The following TM6SF1 variants were observed in gnomAD, a reference collection of about 807,000 sequenced individuals.
TM6SF1 encodes transmembrane 6 superfamily member 1.
TM6SF1 carries 43 observed loss-of-function variants against 47.1 expected under a neutral mutation model. The ratio of observed to expected loss-of-function variants is 0.91; its 90% CI spans 0.72 to 1.18. The LOEUF (loss-of-function observed/expected upper bound fraction) is 1.18. Ranked by LOEUF, TM6SF1 falls within the 50% of genes most tolerant of loss-of-function variation. The pLI is 0.00. For missense variants in TM6SF1, 390 were observed against 449.0 expected (o/e 0.87, Z 1.19); for synonymous variants, 177 against 166.3 (o/e 1.06, Z -0.49).
chr15:83,121,994 A>C lies in TM6SF1; in HGVS notation c.472A>C (p.Asn158His). ...IMSVVVFVPG[N>H]IVGKYGTRIC... ...GAGTGTTGTTGTTTTTGTGCCAGGA[A>C]ACATTGTAGGTAAGAAACTTTATCT... is the stretch of plus-strand genomic sequence containing the variant. Residue 158 changes from asparagine to histidine, a missense_variant, in exon 5 of 10, where the codon AAC becomes CAC. Coordinates refer to ENST00000322019, the MANE Select transcript of TM6SF1 (RefSeq NM_023003.5). The C allele has an allele frequency of 6.2e-7, 1 of 1,610,714 alleles. No homozygotes were observed. The highest frequency in any genetic ancestry group is 1.1e-5 in the South Asian group (1 of 89,854).
intron 9 of TM6SF1, chr15:83,133,356 G>A (rs2036386860): frequency 1.3e-5 from 2 of 152,144 alleles, no homozygotes; most frequent in South Asian, 4.1e-4. Flanking sequence ...CCTCCTTGTG[G>A]AACCACGATT....
chr15:83,136,200 T>C (rs903999148), intron 9 of TM6SF1: 2 of 272,920 alleles, frequency 7.3e-6, no homozygotes, highest in Admixed American at 5.1e-5. Flanking sequence ...TAAGGGGCAC[T>C]TGATGGTTAA....
intron 1 of TM6SF1, 122 bp from the exon 2 acceptor site, chr15:83,112,675 C>A (rs938041239): frequency 2.7e-6 from 2 of 744,358 alleles, no homozygotes; most frequent in Non-Finnish European, 4.8e-6. Flanking sequence ...GAGCTGCAGG[C>A]AGAGGCAGAA....
At chr15:83,127,586 A>T in intron 9 of TM6SF1, 109 bp downstream of exon 9, 1 of 1,217,140 alleles carries the variant, frequency 8.2e-7, no homozygotes, top group Admixed American at 2.3e-5. Flanking sequence ...TAGCTATTAG[A>T]CATGTCACCT....
At position 83,122,902 on chromosome 15, in the gene TM6SF1, A is replaced by T. The variant is rs1357546281; in HGVS notation, c.603+24A>T. On this transcript the variant is annotated intron_variant, in intron 6 of 9. Transcript: ENST00000322019. ...AGGTGATTTTATTAAGCTTTGATGT[A>T]CCCTGTTCTCAAACTCATAGGGTTC... The T allele has an allele frequency of 3.7e-6, 6 of 1,612,512 alleles. No individual in the cohort carries two copies. In the South Asian group the frequency reaches 6.6e-5, roughly 18 times the overall value.
rs1046654997 is a variant in TM6SF1, at chr15:83,112,623, C to A, written c.93-174C>A. 1.1e-5 allele frequency: 7 copies of A among 619,054 alleles called. No individual in the cohort carries two copies. The African/African-American group carries it at 1.3e-4, about 11-fold the overall frequency. The allele number at this position is 619,054 out of a possible 1,614,324, so 38.3% of individuals were successfully genotyped here. On this transcript the variant is annotated intron_variant, in intron 1 of 9. Transcript: ENST00000322019. ...AGTCATGGGCTGCAGCCCAGATGGG[C>A]CAAAGAGCTGCAGATAAACTTCACT... is the stretch of plus-strand genomic sequence containing the variant.
chr15:83,136,148 T>G (rs1281890016), intron 9 of TM6SF1: 1 of 192,184 alleles, frequency 5.2e-6, no homozygotes, highest in Non-Finnish European at 1.0e-5. Context: ...AATTTGAGAT[T>G]TTATTCAGAT....
chr15:83,119,805 T>C, intron 4 of TM6SF1, 124 bp downstream of exon 4: 1 of 1,473,842 alleles, frequency 6.8e-7, no homozygotes, highest in Non-Finnish European at 9.2e-7. Flanking sequence ...ATAAGTTCCA[T>C]GGGTGCACGT....
At position 83,127,350 on chromosome 15, in the gene TM6SF1, C is replaced by G. The variant is rs750599062; in HGVS notation, c.802-8C>G. The G allele has an allele frequency of 6.2e-7, 1 of 1,607,492 alleles. No individual in the cohort carries two copies. The highest frequency in any genetic ancestry group is 8.5e-7 in the Non-Finnish European group (1 of 1,177,552). ...TTGCTGATGATGTTATTTCTCTGTT[C>G]AATACAGATGCTGGCATATATGTTC... On this transcript the variant is annotated splice_polypyrimidine_tract_variant and splice_region_variant and intron_variant, in intron 8 of 9. Coordinates refer to ENST00000322019, the MANE Select transcript of TM6SF1 (RefSeq NM_023003.5).
At chr15:83,127,152 CCA>C (rs2035838253) in intron 8 of TM6SF1, among the ~76,000 whole-genome samples, 1 of 151,300 alleles carries the variant, frequency 6.6e-6, no homozygotes, top group Non-Finnish European at 1.5e-5. Context: ...CGAGATTGCG[CCA>C]CTGCACTCCA....
chr15:83,118,679 T>C (rs2034926650), intron 3 of TM6SF1, among the ~76,000 whole-genome samples: 2 of 152,174 alleles, frequency 1.3e-5, no homozygotes, highest in African/African-American at 2.4e-5. Flanking sequence ...TGATCTGCAC[T>C]CTTCCTTGTT....
At chr15:83,113,179 C>G (rs2034352154) in intron 2 of TM6SF1, 1 of 500,428 alleles carries the variant, frequency 2.0e-6, no homozygotes, top group African/African-American at 1.9e-5. Flanking sequence ...TGACCTCTGA[C>G]CTCGACTCTC....
chr15:83,137,126 T>G lies in TM6SF1; in HGVS notation c.*454T>G, dbSNP rs1343762728. 2 of 152,308 alleles carry G rather than the reference T, an allele frequency of 1.3e-5. No homozygotes were observed. The highest frequency in any genetic ancestry group is 1.3e-4 in the Admixed American group (2 of 15,296). 9.4% of individuals were successfully genotyped at this position (152,308 alleles called of 1,614,324 possible). A position where few individuals can be genotyped will look rare whatever the true frequency, so the allele number is the denominator to read the frequency against. ...TATTAAACTCAATATAAAAGGCAAA[T>G]CATCAGAATATTTTTAAATGTTGTT... On this transcript the variant is annotated 3_prime_UTR_variant, in exon 10 of 10. Coordinates refer to ENST00000322019, the MANE Select transcript of TM6SF1 (RefSeq NM_023003.5).
chr15:83,124,200 C>G (rs1471661415), intron 6 of TM6SF1, among the ~76,000 whole-genome samples: 1 of 151,990 alleles, frequency 6.6e-6, no homozygotes, highest in Non-Finnish European at 1.5e-5. Context: ...GCAAAAAGAA[C>G]AAATACAGAA....
At chr15:83,126,725 T>C (rs1288118605) in intron 7 of TM6SF1, 30 bp from the exon 8 acceptor site, 1 of 1,569,474 alleles carries the variant, frequency 6.4e-7, no homozygotes. Context: ...TGTGATTGTA[T>C]TTTTATAATG....
intron 5 of TM6SF1, among the ~76,000 whole-genome samples, chr15:83,122,221 C>CAA (rs1256126434): frequency 1.3e-5 from 2 of 152,086 alleles, no homozygotes; most frequent in Admixed American, 1.3e-4. Context: ...ATTTGGCAGT[C>CAA]AAGTTATCAG....
At position 83,136,587 on chromosome 15, in the gene TM6SF1, G is replaced by A. The variant is rs757268482; in HGVS notation, c.1028G>A (p.Gly343Glu). 1.2e-6 allele frequency: 2 copies of A among 1,613,766 alleles called. No homozygotes were observed. The highest frequency in any genetic ancestry group is 1.7e-6 in the Non-Finnish European group (2 of 1,179,858). ...TTTTTAGCATTAAACATAGCATATG[G>A]AGTTCTTCCTCAGCTCTTGGCCTAT... ...ILFLALNIAYGVLPQLLAYRC... is the reference protein window; with the variant it reads ...ILFLALNIAYEVLPQLLAYRC... The change falls in exon 10 of 10, where the codon GGA becomes GAA. Residue 343 changes from glycine to glutamate, a missense_variant. By Grantham distance (98) the Gly-to-Glu change is moderately conservative. Transcript: ENST00000322019.
In TM6SF1 at chr15:83,136,681, C is replaced by G. The variant is rs765355098; in HGVS notation, c.*9C>G. 1 of 1,584,178 alleles carries G rather than the reference C, an allele frequency of 6.3e-7. No individual in the cohort carries two copies. Among genetic ancestry groups the G allele is most frequent in the East Asian group, 2.2e-5 (1 of 44,726 alleles). The stretch of plus-strand genomic sequence containing the variant: ...AAGAAAAAGTGGAATAAAAATATTA[C>G]TTCATGTTCCTCCTTTCTAAATTAC... On this transcript the variant is annotated 3_prime_UTR_variant, in exon 10 of 10. Transcript: ENST00000322019.
chr15:83,127,560 G>A, intron 9 of TM6SF1, 83 bp downstream of exon 9: 1 of 1,491,598 alleles, frequency 6.7e-7, no homozygotes, highest in South Asian at 1.2e-5. Context: ...TCTGCTCAGT[G>A]TTTTAGACTA....
Sources: gnomAD v4.1 joint callset for allele counts (sites outside exome capture counted in the v4.1 genomes callset) on GRCh38, gnomAD v4.1.1 for gene constraint, MANE v1.5 for transcripts, NCBI Gene and HGNC (gene_info 2026-07-23, HGNC 2026-07-21) for gene names.